Variants in CACNA1A observed in about 807,000 individuals in gnomAD.
The protein encoded by CACNA1A is calcium voltage-gated channel subunit alpha1 A.
In CACNA1A, 57 loss-of-function variants were observed where a neutral mutation model predicts 262.4. The observed-to-expected ratio is 0.22, with a 90% CI of 0.18 to 0.27. CACNA1A has a LOEUF of 0.27. Among genes scored for constraint, CACNA1A ranks in the 10% least tolerant of loss-of-function variants. The pLI, the probability that CACNA1A is intolerant of heterozygous loss-of-function variation, is 1.00. For missense variants in CACNA1A, 2,526 were observed against 3,562.8 expected, an observed-to-expected ratio of 0.71 and a Z score of 7.41; for synonymous variants, 1,431 against 1,419.3, an observed-to-expected ratio of 1.01 and a Z score of -0.18.
Position 13,334,636 on chromosome 19 carries a change from T to A in CACNA1A, c.1083-143A>T, listed in dbSNP as rs902713769. The stretch of plus-strand genomic sequence containing the variant: ...TTGGGGATTCAGAAGTCCCTGGAGG[T>A]CAGGAGTTTTCAACAGGAGGAGTCA... On this transcript the variant is annotated intron_variant, in intron 7 of 46. Transcript: ENST00000360228. 30 of 599,808 alleles carry A rather than the reference T, an allele frequency of 5.0e-5. No individual in the cohort carries two copies. The African/African-American group carries it at 5.5e-4, about 11-fold the overall frequency. 37.2% of individuals were successfully genotyped at this position (599,808 alleles called of 1,614,324 possible).
intron 18 of CACNA1A, 95 bp downstream of exon 18, chr19:13,300,455 G>T: frequency 1.2e-6 from 1 of 843,102 alleles, no homozygotes; most frequent in Non-Finnish European, 2.0e-6. Context: ...GCTCAGTTCT[G>T]TCAAGGACCA....
intron 24 of CACNA1A, chr19:13,272,987 C>T (rs2057061811): frequency 6.6e-6 from 1 of 152,078 alleles, no homozygotes; most frequent in African/African-American, 2.4e-5. Context: ...ATTTTTGAGA[C>T]AAAATCTTGC....
chr19:13,482,847 CTTGT>C (rs1394909516), intron 1 of CACNA1A, among the ~76,000 whole-genome samples: 1 of 104,434 alleles, frequency 9.6e-6, no homozygotes, highest in Non-Finnish European at 2.1e-5. Context: ...TTTCTCTCAA[CTTGT>C]GTGTGTGTGT....
At chr19:13,220,437 A>C (rs1026577797) in intron 38 of CACNA1A, among the ~76,000 whole-genome samples, 4 of 152,078 alleles carry the variant, frequency 2.6e-5, no homozygotes, top group Non-Finnish European at 5.9e-5. Context: ...CAGGAGCAAA[A>C]AGCTAAAAAG....
At chr19:13,497,504 AAAAAAAAAAAAAAAAAAATATATATAT>A (rs1981706037) in intron 1 of CACNA1A, among the ~76,000 whole-genome samples, 2 of 40,008 alleles carry the variant, frequency 5.0e-5, no homozygotes, top group African/African-American at 2.0e-4. Context: ...AAAAAAAAAA[AAAAAAAAAAAAAAAAAAATATATATAT>A]ATATATATAT....
chr19:13,416,537 C>G (rs963047558), intron 3 of CACNA1A, among the ~76,000 whole-genome samples: 2 of 151,772 alleles, frequency 1.3e-5, no homozygotes, highest in Non-Finnish European at 2.9e-5. Context: ...AAAAATCGGC[C>G]GGGCGCGGTG....
chr19:13,225,092 GC>G (rs1186447932), intron 37 of CACNA1A: 22 of 261,788 alleles, frequency 8.4e-5, no homozygotes, highest in Non-Finnish European at 1.3e-4. Flanking sequence ...CTTCTGGATG[GC>G]CCCGTTTCAG....
chr19:13,464,757 C>G (rs904403893), intron 1 of CACNA1A, among the ~76,000 whole-genome samples: 3 of 151,486 alleles, frequency 2.0e-5, no homozygotes, highest in Non-Finnish European at 2.9e-5. Context: ...ACCGTGTTAG[C>G]CAGGGTGGTC....
In CACNA1A at chr19:13,359,677, T is replaced by C. The variant is rs1195334385; in HGVS notation, c.907A>G (p.Asn303Asp). ...ACAGTCAGCACTGCAAACAGGATGT[T>C]GTCGAACTGAGTGATCCCGTTGTTG... is the stretch of plus-strand genomic sequence containing the variant. ...GPNNGITQFD[N>D]ILFAVLTVFQ... The change falls in exon 6 of 47, where the codon AAC (asparagine) becomes GAC (aspartate). Residue 303 changes from asparagine to aspartate, a missense_variant. Physicochemically the swap from Asn to Asp is conservative, Grantham distance 23. Coordinates refer to ENST00000360228, the MANE Select transcript of CACNA1A (RefSeq NM_001127222.2). 1 of 1,608,446 alleles carries C rather than the reference T, an allele frequency of 6.2e-7. No homozygotes were observed. Among genetic ancestry groups the C allele is most frequent in the Non-Finnish European group, 8.5e-7 (1 of 1,177,432 alleles).
chr19:13,434,860 G>A (rs1183966983), intron 3 of CACNA1A, among the ~76,000 whole-genome samples: 1 of 151,854 alleles, frequency 6.6e-6, no homozygotes, highest in Non-Finnish European at 1.5e-5. Flanking sequence ...CATAATCATT[G>A]CTCACTGCAG....
At position 13,334,332 on chromosome 19, in the gene CACNA1A, T is replaced by A. The variant is rs750868265; in HGVS notation, c.1198+46A>T. ...ACTGCATGACTCTCTTTGTACTCCG[T>A]GGCCTGGGATCTCCATCCCTGGGCC... On this transcript the variant is annotated intron_variant, in intron 8 of 46. Coordinates refer to ENST00000360228, the MANE Select transcript of CACNA1A (RefSeq NM_001127222.2). 7 of 997,320 alleles carry A rather than the reference T, an allele frequency of 7.0e-6. No individual in the cohort carries two copies. The Admixed American group carries it at 1.2e-4, about 17-fold the overall frequency. The allele number at this position is 997,320 out of a possible 1,614,324, so 61.8% of individuals were successfully genotyped here. A position where few individuals can be genotyped will look rare whatever the true frequency, so the allele number is the denominator to read the frequency against.
chr19:13,211,084 C>T, intron 43 of CACNA1A: 1 of 212,194 alleles, frequency 4.7e-6, no homozygotes, highest in Non-Finnish European at 9.8e-6. Context: ...TGGGGCCCAG[C>T]AGCTCGGTCC....
intron 3 of CACNA1A, among the ~76,000 whole-genome samples, chr19:13,429,623 G>C (rs1423425735): frequency 6.6e-6 from 1 of 151,224 alleles, no homozygotes; most frequent in Non-Finnish European, 1.5e-5. Context: ...TCCACTTCTG[G>C]GTCTATATCC....
chr19:13,216,347 A>G (rs1303209851), intron 38 of CACNA1A, among the ~76,000 whole-genome samples: 1 of 151,718 alleles, frequency 6.6e-6, no homozygotes, highest in Non-Finnish European at 1.5e-5. Flanking sequence ...TATTATTGTT[A>G]TTATTTTTGA....
intron 19 of CACNA1A, among the ~76,000 whole-genome samples, chr19:13,298,295 T>A (rs969711069): frequency 6.6e-6 from 1 of 151,580 alleles, no homozygotes; most frequent in Admixed American, 6.6e-5. Context: ...CGTGCCCGGC[T>A]AATTTTTGTA....
chr19:13,416,076 TGTGA>T (rs576216328), intron 3 of CACNA1A, among the ~76,000 whole-genome samples: 107 of 152,240 alleles, frequency 7.0e-4, no homozygotes, highest in Middle Eastern at 3.4e-3. Context: ...GTGCAGCCTG[TGTGA>T]GTGAGAAACA....
intron 46 of CACNA1A, 124 bp downstream of exon 46, chr19:13,208,632 G>A (rs1428169234): frequency 8.0e-7 from 1 of 1,243,770 alleles, no homozygotes; most frequent in Non-Finnish European, 1.1e-6. Flanking sequence ...GGGGCAGGAT[G>A]GGAGGTGGTC....
At chr19:13,482,686 C>T (rs533692910) in intron 1 of CACNA1A, among the ~76,000 whole-genome samples, 1 of 152,276 alleles carries the variant, frequency 6.6e-6, no homozygotes, top group South Asian at 2.1e-4. Flanking sequence ...CTCCTTCCTT[C>T]TTTACCCTTC....
intron 38 of CACNA1A, among the ~76,000 whole-genome samples, chr19:13,223,028 T>C (rs4926238): frequency 0.13 from 19,040 of 151,942 alleles, 1,540 homozygotes; most frequent in Non-Finnish European, 0.17. Context: ...TTTTTCTTTT[T>C]CTTTCTGTTG....
Sources: gnomAD v4.1 joint callset for allele counts (sites outside exome capture counted in the v4.1 genomes callset) on GRCh38, gnomAD v4.1.1 for gene constraint, MANE v1.5 for transcripts, NCBI Gene and HGNC (gene_info 2026-07-23, HGNC 2026-07-21) for gene names.